TMED8: variants seen among roughly 807,000 people sequenced by gnomAD.
TMED8 encodes protein TMED8.
In TMED8, 15 loss-of-function variants were observed where a neutral mutation model predicts 32.7. That is an observed-to-expected ratio of 0.46 (90% CI 0.31 to 0.71). TMED8 has a LOEUF of 0.71. Ranked by LOEUF, TMED8 falls within the 30% of genes least tolerant of loss-of-function variation. TMED8 has a pLI of 0.06. For synonymous variants in TMED8, 147 were observed against 161.4 expected (o/e 0.91, Z 0.68); for missense variants, 390 against 423.9 (o/e 0.92, Z 0.70).
chr14:77,369,694 T>G (rs1331716832), intron 1 of TMED8, among the ~76,000 whole-genome samples: 2 of 152,202 alleles, frequency 1.3e-5, no homozygotes, highest in African/African-American at 4.8e-5. Flanking sequence ...AGCTAGGTAA[T>G]TCTTCATGAT....
chr14:77,353,819 T>C (rs1336077731), intron 1 of TMED8, among the ~76,000 whole-genome samples: 1 of 152,162 alleles, frequency 6.6e-6, no homozygotes, highest in East Asian at 1.9e-4. Context: ...TTAGAGCTCC[T>C]GCCATCTAAT....
At chr14:77,364,708 A>T (rs909969546) in intron 1 of TMED8, among the ~76,000 whole-genome samples, 5 of 152,124 alleles carry the variant, frequency 3.3e-5, no homozygotes, top group African/African-American at 1.2e-4. Context: ...TTGTTATTTA[A>T]GCCTTTTTTT....
intron 2 of TMED8, among the ~76,000 whole-genome samples, chr14:77,349,215 C>G (rs769646509): frequency 2.7e-5 from 4 of 146,412 alleles, no homozygotes; most frequent in African/African-American, 5.1e-5. Context: ...CTCCCTGGTT[C>G]AAGCAATTCT....
At chr14:77,348,868 G>A (rs1893113268) in intron 2 of TMED8, among the ~76,000 whole-genome samples, 1 of 152,198 alleles carries the variant, frequency 6.6e-6, no homozygotes, top group African/African-American at 2.4e-5. Flanking sequence ...AGAGCTGTGG[G>A]ATTCTGTTGA....
At chr14:77,360,209 A>G (rs1053686740) in intron 1 of TMED8, among the ~76,000 whole-genome samples, 2 of 152,084 alleles carry the variant, frequency 1.3e-5, no homozygotes, top group Non-Finnish European at 2.9e-5. Flanking sequence ...AAGCACCTAA[A>G]ATTTCCTTTT....
intron 1 of TMED8, among the ~76,000 whole-genome samples, chr14:77,352,998 A>G (rs1437713476): frequency 1.3e-5 from 2 of 152,202 alleles, no homozygotes; most frequent in Non-Finnish European, 2.9e-5. Flanking sequence ...AGGAGTATAT[A>G]GGTGAAATGC....
intron 1 of TMED8, among the ~76,000 whole-genome samples, chr14:77,360,919 C>T (rs1893421045): frequency 6.6e-6 from 1 of 151,456 alleles, no homozygotes; most frequent in Non-Finnish European, 1.5e-5. Context: ...TTTTCATGTA[C>T]CTGTTGGCCA....
chr14:77,369,596 T>G (rs934077351), intron 1 of TMED8, among the ~76,000 whole-genome samples: 1 of 152,140 alleles, frequency 6.6e-6, no homozygotes, highest in African/African-American at 2.4e-5. Flanking sequence ...GCTTCCCCAC[T>G]CAGGAATCCA....
intron 2 of TMED8, among the ~76,000 whole-genome samples, chr14:77,347,688 A>T (rs1177049831): frequency 3.3e-5 from 5 of 152,232 alleles, no homozygotes; most frequent in African/African-American, 1.2e-4. Context: ...TACAGGCGTG[A>T]GCCACCGTGC....
At chr14:77,342,845 A>C (rs554350451) in intron 5 of TMED8, among the ~76,000 whole-genome samples, 1 of 152,328 alleles carries the variant, frequency 6.6e-6, no homozygotes, top group South Asian at 2.1e-4. Flanking sequence ...GAGAGATGTA[A>C]AATAATCTCT....
chr14:77,362,720 T>C (rs943023164), intron 1 of TMED8, among the ~76,000 whole-genome samples: 1 of 152,300 alleles, frequency 6.6e-6, no homozygotes, highest in Non-Finnish European at 1.5e-5. Flanking sequence ...ATCCAACCTA[T>C]ATGCTGCCCA....
chr14:77,354,590 T>C (rs1391873579), intron 1 of TMED8, among the ~76,000 whole-genome samples: 3 of 152,120 alleles, frequency 2.0e-5, no homozygotes, highest in Non-Finnish European at 1.5e-5. Context: ...GAAATACAGA[T>C]AAGCAAAACA....
At chr14:77,366,252 C>T (rs927795081) in intron 1 of TMED8, among the ~76,000 whole-genome samples, 1 of 152,230 alleles carries the variant, frequency 6.6e-6, no homozygotes, top group Non-Finnish European at 1.5e-5. Context: ...AAATACTCAA[C>T]CTTTTCCTCC....
At chr14:77,345,540 C>T (rs1302779684) in intron 3 of TMED8, among the ~76,000 whole-genome samples, 1 of 151,616 alleles carries the variant, frequency 6.6e-6, no homozygotes, top group African/African-American at 2.4e-5. Context: ...CCATCACTTC[C>T]ATACAGCTAC....
intron 1 of TMED8, among the ~76,000 whole-genome samples, chr14:77,366,203 C>T (rs1266013365): frequency 1.3e-5 from 2 of 152,186 alleles, no homozygotes; most frequent in Non-Finnish European, 2.9e-5. Context: ...TTTCAGGACC[C>T]CAGACGTAGA....
intron 3 of TMED8, 33 bp from the exon 4 acceptor site, chr14:77,343,856 C>T (rs767929275): frequency 2.5e-6 from 4 of 1,593,740 alleles, no homozygotes; most frequent in African/African-American, 2.7e-5. Context: ...AAGGAGTATT[C>T]GAGTGGCAGA....
In TMED8 at chr14:77,337,952, A is replaced by G. The variant is rs767667241; in HGVS notation, c.*3819T>C. 2 of 152,092 alleles carry G rather than the reference A, an allele frequency of 1.3e-5. No individual in the cohort carries two copies. Among genetic ancestry groups the G allele is most frequent in the Non-Finnish European group, 2.9e-5 (2 of 68,006 alleles). The allele number at this position is 152,092 out of a possible 1,614,324, so 9.4% of individuals were successfully genotyped here. On this transcript the variant is annotated 3_prime_UTR_variant, in exon 6 of 6. Transcript: ENST00000216468. ...CCAAAAATAAATTCTAAATCCCCCAACCGGCTGAATGGACCCCTGTCTTGG... is the reference window on the plus strand; with the variant it reads ...CCAAAAATAAATTCTAAATCCCCCAGCCGGCTGAATGGACCCCTGTCTTGG...
intron 1 of TMED8, among the ~76,000 whole-genome samples, chr14:77,375,512 T>C (rs1893792519): frequency 6.6e-6 from 1 of 152,232 alleles, no homozygotes; most frequent in Non-Finnish European, 1.5e-5. Context: ...GACATTATGC[T>C]TAGAATTTCT....
chr14:77,369,096 G>A (rs10132557), intron 1 of TMED8, among the ~76,000 whole-genome samples: 77,490 of 151,852 alleles, frequency 0.51, 20,119 homozygotes, highest in East Asian at 0.61. Context: ...TAAAGATTAC[G>A]TTTCTTTACT....
Sources: gnomAD v4.1 joint callset for allele counts (sites outside exome capture counted in the v4.1 genomes callset) on GRCh38, gnomAD v4.1.1 for gene constraint, MANE v1.5 for transcripts, NCBI Gene and HGNC (gene_info 2026-07-23, HGNC 2026-07-21) for gene names.